Variants in SLC4A1 observed in about 807,000 individuals in gnomAD.
SLC4A1 encodes the protein band 3 anion transport protein.
Under a neutral mutation model 93.1 loss-of-function variants are expected in SLC4A1, and 29 were observed. That is an observed-to-expected ratio of 0.31 (90% CI 0.23 to 0.42). SLC4A1 has a LOEUF of 0.42. Among genes scored for constraint, SLC4A1 ranks in the 20% least tolerant of loss-of-function variants. SLC4A1 has a pLI of 1.00. For missense variants in SLC4A1, 965 were observed against 1,190.1 expected (o/e 0.81, Z 2.78); for synonymous variants, 469 against 497.2 (o/e 0.94, Z 0.76).
In SLC4A1 at chr17:44,250,168, C is replaced by T; in HGVS notation, c.*290G>A. On this transcript the variant is annotated 3_prime_UTR_variant, in exon 20 of 20. Coordinates refer to ENST00000262418, the MANE Select transcript of SLC4A1 (RefSeq NM_000342.4). ...GCCTGTGCTGGGAAGAGGGAGGGCT[C>T]AGATCTAAGTCTTCCAGCACGGGAT... The T allele has an allele frequency of 6.9e-6, 3 of 434,280 alleles. No homozygotes were observed. Among genetic ancestry groups the T allele is most frequent in the Non-Finnish European group, 4.3e-6 (1 of 231,850 alleles). 26.9% of individuals were successfully genotyped at this position (434,280 alleles called of 1,614,324 possible).
At chr17:44,265,187 G>A (rs1262721513) in intron 1 of SLC4A1, among the ~76,000 whole-genome samples, 3 of 152,066 alleles carry the variant, frequency 2.0e-5, no homozygotes, top group East Asian at 1.9e-4. Flanking sequence ...TCCTAGCCGC[G>A]ACAGGGAGGC....
At chr17:44,259,693 C>G (rs190129338) in intron 7 of SLC4A1, 112 bp from the exon 8 acceptor site, 2 of 1,554,400 alleles carry the variant, frequency 1.3e-6, no homozygotes. Flanking sequence ...CCCCCGGGCA[C>G]AGGAGTGCTT....
Position 44,249,439 on chromosome 17 carries a change from T to G in SLC4A1, c.*1019A>C. ...CTTAGAAAATACGCAATTAATAAAT[T>G]ACAAACCCCCTCACTCTCCCGCCCC... On this transcript the variant is annotated 3_prime_UTR_variant, in exon 20 of 20. Coordinates refer to ENST00000262418, the MANE Select transcript of SLC4A1 (RefSeq NM_000342.4). 3.6e-6 allele frequency: 1 copy of G among 274,286 alleles called. No individual in the cohort carries two copies. The highest frequency in any genetic ancestry group is 3.0e-5 in the South Asian group (1 of 33,526). The allele number at this position is 274,286 out of a possible 1,614,324, so 17.0% of individuals were successfully genotyped here.
chr17:44,267,921 C>A (rs190550725), intron 1 of SLC4A1, 133 bp downstream of exon 1: 9 of 249,896 alleles, frequency 3.6e-5, no homozygotes, highest in Non-Finnish European at 3.8e-5. Context: ...GTAACATTCT[C>A]ACCCCACCCA....
rs2047408768 is a variant in SLC4A1 at position 44,258,279 on chromosome 17, G to A, written c.1088-99C>T. 3.5e-6 allele frequency: 5 copies of A among 1,429,384 alleles called. No individual in the cohort carries two copies. The South Asian group carries it at 5.7e-5, about 16-fold the overall frequency. The allele number at this position is 1,429,384 out of a possible 1,614,324, so 88.5% of individuals were successfully genotyped here. ...AGGGGAGATTGTCTGATGGGAATGG[G>A]GCGGCGAAGAAGTCTGGAAGATGTG... On this transcript the variant is annotated intron_variant, in intron 10 of 19. Coordinates refer to ENST00000262418, the MANE Select transcript of SLC4A1 (RefSeq NM_000342.4). The surrounding 1 kb of genome is among the most constrained non-coding windows in gnomAD (Gnocchi z 6.1).
Position 44,260,389 on chromosome 17 carries a change from G to C in SLC4A1, c.485+15C>G, listed in dbSNP as rs1176585302. 1.9e-6 allele frequency: 3 copies of C among 1,608,774 alleles called. No homozygotes were observed. Among genetic ancestry groups the C allele is most frequent in the Non-Finnish European group, 8.5e-7 (1 of 1,177,870 alleles). On this transcript the variant is annotated intron_variant, in intron 6 of 19. Coordinates refer to ENST00000262418, the MANE Select transcript of SLC4A1 (RefSeq NM_000342.4). ...CCACTGGATATGGAATCCAGGCCCT[G>C]GCAGGCAGGGGCACCTGTGTTTAAG...
intron 1 of SLC4A1, among the ~76,000 whole-genome samples, chr17:44,264,806 C>A (rs1408656356): frequency 6.6e-6 from 1 of 152,052 alleles, no homozygotes; most frequent in Non-Finnish European, 1.5e-5. Flanking sequence ...AATGTGAGGG[C>A]AGGTCCAAGG....
chr17:44,259,707 G>T lies in SLC4A1; in HGVS notation c.609+102C>A, dbSNP rs143887244. 1.3e-4 allele frequency: 202 copies of T among 1,573,516 alleles called. No individual in the cohort carries two copies. The African/African-American group carries it at 2.3e-3, about 18-fold the overall frequency. ...CCCCCCGGGCACAGGAGTGCTTCTG[G>T]TCCCCTGCTTGTGGTCGGTTTTTCA... On this transcript the variant is annotated intron_variant, in intron 7 of 19. Transcript: ENST00000262418.
chr17:44,250,614 A>T, intron 19 of SLC4A1, 76 bp from the exon 20 acceptor site: 1 of 1,134,668 alleles, frequency 8.8e-7, no homozygotes, highest in South Asian at 1.3e-5. Context: ...CACGAAAGGC[A>T]CCTCTGGAGT....
intron 1 of SLC4A1, 98 bp downstream of exon 1, chr17:44,267,956 G>A (rs1295038618): frequency 5.2e-6 from 3 of 579,000 alleles, no homozygotes; most frequent in South Asian, 1.5e-4. Context: ...GAGGTCAGGA[G>A]CCTGGCCCAC....
intron 1 of SLC4A1, among the ~76,000 whole-genome samples, chr17:44,263,739 T>TTCCCTC (rs2047471932): frequency 2.9e-5 from 4 of 136,944 alleles, no homozygotes; most frequent in African/African-American, 1.3e-4. Flanking sequence ...CCTTCCTTCC[T>TTCCCTC]CCATCCCTGC....
chr17:44,255,640 G>A, intron 14 of SLC4A1, 33 bp downstream of exon 14: 1 of 1,609,402 alleles, frequency 6.2e-7, no homozygotes, highest in East Asian at 2.2e-5. Flanking sequence ...ATAGGGCAGT[G>A]TTGGCAAGGA....
intron 15 of SLC4A1, among the ~76,000 whole-genome samples, chr17:44,254,932 C>A (rs1254636581): frequency 6.6e-6 from 1 of 152,214 alleles, no homozygotes. Context: ...AGCTGGGATT[C>A]ATGCCTAGAT....
chr17:44,262,686 T>A lies in SLC4A1; in HGVS notation c.56A>T (p.Glu19Val). 6.2e-7 allele frequency: 1 copy of A among 1,614,052 alleles called. No homozygotes were observed. Among genetic ancestry groups the A allele is most frequent in the Non-Finnish European group, 8.5e-7 (1 of 1,179,970 alleles). The change falls in exon 3 of 20, where the codon GAG becomes GTG. Residue 19 changes from glutamate (E) to valine (V), a missense_variant. Physicochemically the swap from Glu to Val is moderately radical, Grantham distance 121. Transcript: ENST00000262418. ...EDMMEENLEQ[E>V]EYEDPDIPES... ...GGGGATGTCTGGGTCTTCATATTCC[T>A]CCTGCTCCAGATTCTCCTCCATCAT...
rs1209162549 is a variant in SLC4A1 at position 44,258,382 on chromosome 17, T to C, written c.1087+31A>G. 1.2e-6 allele frequency: 2 copies of C among 1,605,908 alleles called. No homozygotes were observed. Among genetic ancestry groups the C allele is most frequent in the Admixed American group, 3.3e-5 (2 of 59,932 alleles). ...GAGGTGTCTGGGGGTCGGTGGGGGC[T>C]CAGAAAGCCTCAGCTGGGAAGGGCA... On this transcript the variant is annotated intron_variant, in intron 10 of 19. Transcript: ENST00000262418. The surrounding 1 kb of genome is among the most constrained non-coding windows in gnomAD (Gnocchi z 6.1).
intron 14 of SLC4A1, 95 bp downstream of exon 14, chr17:44,255,578 A>G: frequency 7.8e-7 from 1 of 1,280,324 alleles, no homozygotes; most frequent in South Asian, 1.2e-5. Context: ...TCTGAAAAAG[A>G]AGGGAAGCTA....
chr17:44,266,440 G>T (rs774419994), intron 1 of SLC4A1, among the ~76,000 whole-genome samples: 21 of 152,208 alleles, frequency 1.4e-4, no homozygotes, highest in Non-Finnish European at 2.8e-4. Flanking sequence ...GGAATGGTCA[G>T]AGGGGCCCTC....
At chr17:44,254,357 A>G (rs1456906526) in intron 16 of SLC4A1, 139 bp downstream of exon 16, 1 of 766,352 alleles carries the variant, frequency 1.3e-6, no homozygotes, top group Non-Finnish European at 2.2e-6. Flanking sequence ...CTGGCTTTTC[A>G]CTATTCCTGC....
At chr17:44,261,887 G>T in intron 3 of SLC4A1, 2 of 1,035,968 alleles carry the variant, frequency 1.9e-6, no homozygotes, top group Non-Finnish European at 2.7e-6. Flanking sequence ...AGCCAGGGAG[G>T]CCTAGCCCCT....
Sources: gnomAD v4.1 joint callset for allele counts (sites outside exome capture counted in the v4.1 genomes callset) on GRCh38, gnomAD v4.1.1 for gene constraint, Gnocchi (gnomAD v3.1) non-coding constraint, MANE v1.5 for transcripts, NCBI Gene and HGNC (gene_info 2026-07-23, HGNC 2026-07-21) for gene names.